Variants in RTN4 observed in about 807,000 individuals in gnomAD.
RTN4 encodes the protein reticulon 4, also known as reticulon-4.
A neutral mutation model predicts 90.4 loss-of-function variants in RTN4; 32 were observed. The ratio of observed to expected loss-of-function variants is 0.35; its 90% CI spans 0.27 to 0.48. The LOEUF (loss-of-function observed/expected upper bound fraction) is 0.48. RTN4 is among the 20% of genes least tolerant of loss of function. The pLI, the probability that RTN4 is intolerant of heterozygous loss-of-function variation, is 0.99. For synonymous variants in RTN4, 629 were observed against 552.5 expected (o/e 1.14, Z -1.94); for missense variants, 1,706 against 1,430.2 (o/e 1.19, Z -3.11).
At chr2:55,120,678 C>G in the RTN4 span, among the ~76,000 whole-genome samples, 24 of 152,090 alleles carry the variant, frequency 1.6e-4, no homozygotes, top group Non-Finnish European at 2.8e-4. Context: ...GAGTGAAGCC[C>G]TCAAGCTCTG....
intron 3 of RTN4, among the ~76,000 whole-genome samples, chr2:54,999,494 C>T (rs1163719492): frequency 3.3e-5 from 5 of 152,102 alleles, no homozygotes; most frequent in Non-Finnish European, 7.4e-5. Flanking sequence ...GTTAAACTGG[C>T]TGTTCCTAAA....
intron 1 of RTN4, among the ~76,000 whole-genome samples, chr2:55,081,163 C>G (rs2105030085): frequency 6.6e-6 from 1 of 152,288 alleles, no homozygotes; most frequent in Non-Finnish European, 1.5e-5. Flanking sequence ...CAGCCTCAAC[C>G]TCCTGGGCCA....
At position 54,973,601 on chromosome 2, in the gene RTN4, T is replaced by A; in HGVS notation, c.3498A>T (p.Leu1166=). ...CTTTAACATTCTTATTTGCAAGTCC[T>A]AGATAATGATCTATCTGTGCCTGAA... ...ERHQAQIDHY[L]GLANKNVKDA... The change falls in exon 8 of 9, where the codon CTA becomes CTT. Residue 1166 remains leucine (L), a synonymous_variant. Coordinates refer to ENST00000337526, the MANE Select transcript of RTN4 (RefSeq NM_020532.5). 3 of 1,610,592 alleles carry A rather than the reference T, an allele frequency of 1.9e-6. No homozygotes were observed. The highest frequency in any genetic ancestry group is 2.5e-6 in the Non-Finnish European group (3 of 1,176,860).
intron 8 of RTN4, 167 bp from the exon 9 acceptor site, chr2:54,973,365 TAAAC>T: frequency 1.3e-6 from 1 of 756,800 alleles, no homozygotes; most frequent in Non-Finnish European, 2.2e-6. Context: ...GAATTAGATT[TAAAC>T]AAAGCCTTAA....
chr2:55,054,615 T>C (rs1668157680), upstream of RTN4, among the ~76,000 whole-genome samples: 1 of 152,154 alleles, frequency 6.6e-6, no homozygotes, highest in African/African-American at 2.4e-5. Flanking sequence ...CTTGCCTACA[T>C]ATAGCAGGAC....
intron 1 of RTN4, among the ~76,000 whole-genome samples, chr2:55,099,182 A>G: frequency 6.6e-6 from 1 of 152,126 alleles, no homozygotes; most frequent in African/African-American, 2.4e-5. Context: ...CATACAGTTC[A>G]TATAAGGAAG....
chr2:54,985,043 G>A (rs6545464), intron 4 of RTN4, among the ~76,000 whole-genome samples: 3 of 152,188 alleles, frequency 2.0e-5, no homozygotes, highest in East Asian at 1.9e-4. Context: ...AAATTGGAAC[G>A]GTAGAAAATT....
chr2:55,107,525 G>A (rs1667964871), intron 1 of RTN4, among the ~76,000 whole-genome samples: 1 of 151,874 alleles, frequency 6.6e-6, no homozygotes, highest in Admixed American at 6.6e-5. Context: ...GCCAGTATGA[G>A]ACTGCCTGGC....
intron 1 of RTN4, among the ~76,000 whole-genome samples, chr2:55,038,198 T>A (rs1682820261): frequency 6.6e-6 from 1 of 152,040 alleles, no homozygotes; most frequent in African/African-American, 2.4e-5. Flanking sequence ...GAAACCAAAG[T>A]GTCTTCACAA....
intron 4 of RTN4, among the ~76,000 whole-genome samples, chr2:54,986,277 G>A (rs1160751131): frequency 1.3e-5 from 2 of 152,096 alleles, no homozygotes; most frequent in Admixed American, 6.5e-5. Flanking sequence ...GAAGTAATCC[G>A]AGGTAACTAC....
intron 3 of RTN4, among the ~76,000 whole-genome samples, chr2:55,023,817 T>C (rs1681623208): frequency 6.6e-6 from 1 of 152,146 alleles, no homozygotes; most frequent in African/African-American, 2.4e-5. Context: ...GCCGCTGTCA[T>C]GACAATATCT....
At chr2:55,085,306 C>T (rs986237112) in intron 1 of RTN4, among the ~76,000 whole-genome samples, 3 of 149,328 alleles carry the variant, frequency 2.0e-5, no homozygotes, top group African/African-American at 7.3e-5. Flanking sequence ...TGTATATATA[C>T]ATATACACCC....
At chr2:54,987,293 TCTC>T (rs1224305390) in intron 4 of RTN4, among the ~76,000 whole-genome samples, 195 bp downstream of exon 4, 1 of 152,170 alleles carries the variant, frequency 6.6e-6, no homozygotes, top group Non-Finnish European at 1.5e-5. Context: ...ACATAAACAG[TCTC>T]CTCCATCATG....
intron 3 of RTN4, among the ~76,000 whole-genome samples, chr2:55,000,995 C>T (rs1452310798): frequency 2.0e-5 from 3 of 151,980 alleles, no homozygotes; most frequent in African/African-American, 7.2e-5. Context: ...CTATAAATAA[C>T]AATCTATGTA....
chr2:55,088,030 C>T (rs181372059), intron 1 of RTN4, among the ~76,000 whole-genome samples: 101 of 152,300 alleles, frequency 6.6e-4, no homozygotes, highest in African/African-American at 2.3e-3. Flanking sequence ...TTTATTTAAG[C>T]GGGGCCTGGG....
chr2:55,040,713 C>T (rs980218804), intron 1 of RTN4, among the ~76,000 whole-genome samples: 1 of 151,820 alleles, frequency 6.6e-6, no homozygotes, highest in South Asian at 2.1e-4. Context: ...GTATTTTTTC[C>T]TTCATCTGCT....
the RTN4 span, among the ~76,000 whole-genome samples, chr2:55,136,151 C>T: frequency 6.6e-6 from 1 of 152,192 alleles, no homozygotes; most frequent in Non-Finnish European, 1.5e-5. Flanking sequence ...CTGATAAGAT[C>T]TCAGAAGTTG....
At chr2:55,049,071 G>C in intron 1 of RTN4, 1 of 983,440 alleles carries the variant, frequency 1.0e-6, no homozygotes, top group Non-Finnish European at 1.2e-6. Flanking sequence ...GCGGTGGCAG[G>C]ACTTTACCAG....
At chr2:55,064,204 T>A (rs374753357) in intron 2 of RTN4, among the ~76,000 whole-genome samples, 8 of 139,588 alleles carry the variant, frequency 5.7e-5, no homozygotes, top group East Asian at 2.0e-4. Flanking sequence ...GACCATGTCT[T>A]AAAAAAAAAA....
Sources: allele counts gnomAD v4.1 joint callset (sites outside exome capture counted in the v4.1 genomes callset), GRCh38; gene constraint gnomAD v4.1.1; transcripts MANE v1.5; gene names NCBI Gene and HGNC (gene_info 2026-07-23, HGNC 2026-07-21).